Variants in XYLT1 observed in about 807,000 individuals in gnomAD.
XYLT1 encodes the protein xylosyltransferase 1.
A neutral mutation model predicts 91.3 loss-of-function variants in XYLT1; 36 were observed. That is an observed-to-expected ratio of 0.39 (90% confidence interval 0.30 to 0.52). The LOEUF (loss-of-function observed/expected upper bound fraction) is 0.52, where lower values mean the gene tolerates loss of function less well. Ranked by LOEUF, XYLT1 falls within the 20% of genes least tolerant of loss-of-function variation. XYLT1 has a pLI of 0.68. For synonymous variants in XYLT1, 588 were observed against 532.0 expected, an observed-to-expected ratio of 1.11 and a Z score of -1.45; for missense variants, 1,242 against 1,284.5, an observed-to-expected ratio of 0.97 and a Z score of 0.51.
At chr16:17,381,544 C>T (rs894296464) in intron 1 of XYLT1, among the ~76,000 whole-genome samples, 1 of 151,584 alleles carries the variant, frequency 6.6e-6, no homozygotes, top group African/African-American at 2.4e-5. Flanking sequence ...ATTCTCCTGC[C>T]TCAGCCTCCT....
chr16:17,379,753 T>TCACACACACACA (rs1221357179), intron 1 of XYLT1, among the ~76,000 whole-genome samples: 10 of 128,718 alleles, frequency 7.8e-5, no homozygotes, highest in African/African-American at 2.2e-4. Flanking sequence ...TCTCTCTCTC[T>TCACACACACACA]CTCTCTCTCT....
intron 1 of XYLT1, among the ~76,000 whole-genome samples, chr16:17,415,252 C>T (rs559350592): frequency 6.6e-6 from 1 of 152,336 alleles, no homozygotes; most frequent in African/African-American, 2.4e-5. Flanking sequence ...CTCCCCTCCA[C>T]TGCAACACAT....
intron 3 of XYLT1, among the ~76,000 whole-genome samples, chr16:17,204,590 G>A (rs114208645): frequency 0.012 from 1,773 of 152,244 alleles, 20 homozygotes; most frequent in East Asian, 0.053. Context: ...TCAGGAGAAA[G>A]ATCAACCATT....
At chr16:17,128,859 A>T (rs1002308444) in intron 9 of XYLT1, among the ~76,000 whole-genome samples, 3 of 152,132 alleles carry the variant, frequency 2.0e-5, no homozygotes, top group African/African-American at 7.2e-5. Flanking sequence ...GCAATGTGTA[A>T]ATTGCACAGC....
intron 1 of XYLT1, among the ~76,000 whole-genome samples, chr16:17,399,250 C>T (rs1279187353): frequency 6.6e-6 from 1 of 152,106 alleles, no homozygotes; most frequent in African/African-American, 2.4e-5. Context: ...GCAACGGAGG[C>T]TGAGATGCTC....
chr16:17,258,748 G>A (rs892753906), intron 3 of XYLT1, among the ~76,000 whole-genome samples: 1 of 152,074 alleles, frequency 6.6e-6, no homozygotes, highest in African/African-American at 2.4e-5. Flanking sequence ...TTCATCCTTT[G>A]CCATAAAGGC....
At chr16:17,264,450 C>T (rs927245187) in intron 2 of XYLT1, among the ~76,000 whole-genome samples, 3 of 152,208 alleles carry the variant, frequency 2.0e-5, no homozygotes, top group African/African-American at 7.2e-5. Context: ...GTATATGCCA[C>T]ATTTTCTTTA....
intron 2 of XYLT1, among the ~76,000 whole-genome samples, chr16:17,280,737 T>C (rs1164544973): frequency 1.3e-5 from 2 of 152,212 alleles, no homozygotes; most frequent in Admixed American, 6.5e-5. Context: ...TGTTATTTTG[T>C]GTATCTGTAA....
At chr16:17,357,913 C>T (rs987414041) in intron 2 of XYLT1, 99 bp downstream of exon 2, 3 of 1,328,368 alleles carry the variant, frequency 2.3e-6, no homozygotes, top group Non-Finnish European at 3.2e-6. Context: ...CCAGGGGCAG[C>T]CATGGGCCTG....
intron 1 of XYLT1, among the ~76,000 whole-genome samples, chr16:17,379,763 T>TCTCTTTCTCACACACACACA (rs373354877): frequency 1.6e-5 from 2 of 125,546 alleles, no homozygotes; most frequent in African/African-American, 3.2e-5. Context: ...TCTCTCTCTC[T>TCTCTTTCTCACACACACACA]CACACACACA....
chr16:17,276,260 T>C lies in XYLT1; in HGVS notation c.403-16762A>G, dbSNP rs574028620. 1.9e-4 allele frequency among the ~76,000 whole-genome samples: 29 copies of C among 152,356 alleles called. 1 individual carries two copies. Among genetic ancestry groups the C allele is most frequent in the South Asian group, 6.2e-4 (3 of 4,832 alleles). On this transcript the variant is annotated intron_variant, in intron 2 of 11. Coordinates refer to ENST00000261381, the MANE Select transcript of XYLT1 (RefSeq NM_022166.4). ...ACAGGGGCTTCCGAGCAAGTTTTCA[T>C]TGGCCAAGTTCCTGAAGGAGGCTGC... is the stretch of plus-strand genomic sequence containing the variant.
chr16:17,138,761 T>TGCAAAAATGTATAAC (rs2030866298), intron 7 of XYLT1: 1 of 492,652 alleles, frequency 2.0e-6, no homozygotes, highest in African/African-American at 1.9e-5. Context: ...TTCATAGCAA[T>TGCAAAAATGTATAAC]GCAAAAATGT....
intron 1 of XYLT1, among the ~76,000 whole-genome samples, chr16:17,391,653 G>A (rs1028799007): frequency 2.0e-5 from 3 of 152,018 alleles, no homozygotes; most frequent in African/African-American, 7.3e-5. Flanking sequence ...TTACTCCCAG[G>A]GTCCTTTCTT....
intron 3 of XYLT1, among the ~76,000 whole-genome samples, chr16:17,214,411 G>A (rs1485742952): frequency 6.6e-6 from 1 of 152,192 alleles, no homozygotes; most frequent in Non-Finnish European, 1.5e-5. Context: ...ACTGATGGAT[G>A]GAATTATGCT....
chr16:17,214,880 C>G (rs976617538), intron 3 of XYLT1, among the ~76,000 whole-genome samples: 1 of 152,172 alleles, frequency 6.6e-6, no homozygotes, highest in Non-Finnish European at 1.5e-5. Flanking sequence ...TTCTGTGAAG[C>G]CAAAATGTTG....
chr16:17,218,714 A>C (rs1353836532), intron 3 of XYLT1, among the ~76,000 whole-genome samples: 1 of 152,154 alleles, frequency 6.6e-6, no homozygotes, highest in Non-Finnish European at 1.5e-5. Context: ...TGCATATTCC[A>C]AGCTCATTCA....
chr16:17,454,862 T>C (rs976549652), intron 1 of XYLT1, among the ~76,000 whole-genome samples: 1 of 145,528 alleles, frequency 6.9e-6, no homozygotes, highest in African/African-American at 2.6e-5. Flanking sequence ...CAAATTTGAA[T>C]TTCATATAAT....
chr16:17,448,342 G>C (rs1481501876), intron 1 of XYLT1, among the ~76,000 whole-genome samples: 1 of 152,156 alleles, frequency 6.6e-6, no homozygotes, highest in East Asian at 1.9e-4. Flanking sequence ...TCCAGCCTGG[G>C]CGCAGACAGA....
In XYLT1 at chr16:17,338,503, T is replaced by A. The variant is rs905834689; in HGVS notation, c.402+19509A>T. The A allele has an allele frequency of 8.8e-6, 4 of 456,516 alleles. No individual in the cohort carries two copies. The Admixed American group carries it at 9.4e-5, about 11-fold the overall frequency. The allele number at this position is 456,516 out of a possible 1,614,324, so 28.3% of individuals were successfully genotyped here. ...ACTTTATAAAGGAAGAGGAGCCTTG[T>A]GCTCCATGAATATTGTATTTCTTGT... On this transcript the variant is annotated intron_variant, in intron 2 of 11. Transcript: ENST00000261381.
Sources: allele counts gnomAD v4.1 joint callset (sites outside exome capture counted in the v4.1 genomes callset), GRCh38; gene constraint gnomAD v4.1.1; transcripts MANE v1.5; gene names NCBI Gene and HGNC (gene_info 2026-07-23, HGNC 2026-07-21).